The following PTPRF variants were observed in gnomAD, a reference collection of about 807,000 sequenced individuals.
PTPRF encodes the protein receptor-type tyrosine-protein phosphatase F.
Under a neutral mutation model 201.8 loss-of-function variants are expected in PTPRF, and 59 were observed. The observed-to-expected ratio is 0.29, with a 90% CI of 0.24 to 0.36. PTPRF has a LOEUF of 0.36. Among genes scored for constraint, PTPRF ranks in the 10% least tolerant of loss-of-function variants. The pLI is 1.00. For missense variants in PTPRF, 2,132 were observed against 2,690.5 expected, an observed-to-expected ratio of 0.79 and a Z score of 4.59; for synonymous variants, 1,088 against 1,089.7, an observed-to-expected ratio of 1.00 and a Z score of 0.03.
chr1:43,599,543 G>A (rs187489328), intron 13 of PTPRF, among the ~76,000 whole-genome samples: 354 of 152,264 alleles, frequency 2.3e-3, no homozygotes, highest in African/African-American at 8.1e-3. Flanking sequence ...GTGTTGCCCT[G>A]CTCCTGGCCC....
At position 43,605,362 on chromosome 1, in the gene PTPRF, A is replaced by G; in HGVS notation, c.3308A>G (p.Lys1103Arg). Residue 1103 changes from lysine to arginine, a missense_variant, in exon 18 of 34, where the codon AAG (lysine) becomes AGG (arginine). Physicochemically the swap from Lys to Arg is conservative, Grantham distance 26. Transcript: ENST00000359947. Reference sequence around the variant, plus strand: ...ACAGCCCCCGACCTCCTGCCTCACAAGCCGCTGCCTGCCTCTGCCTACATA... The same window carrying G: ...ACAGCCCCCGACCTCCTGCCTCACAGGCCGCTGCCTGCCTCTGCCTACATA... ...IRTAPDLLPH[K>R]PLPASAYIED... 6.2e-7 allele frequency: 1 copy of G among 1,613,930 alleles called. No homozygotes were observed. The highest frequency in any genetic ancestry group is 8.5e-7 in the Non-Finnish European group (1 of 1,179,992).
intron 14 of PTPRF, 117 bp downstream of exon 14, chr1:43,602,214 C>T: frequency 7.7e-7 from 1 of 1,293,568 alleles, no homozygotes; most frequent in Non-Finnish European, 1.1e-6. Flanking sequence ...GGGCTCTAGC[C>T]ACATCAGGAG....
chr1:43,560,593 G>A lies in PTPRF; in HGVS notation c.379+6652G>A, dbSNP rs565134278. On this transcript the variant is annotated intron_variant, in intron 5 of 33. Coordinates refer to ENST00000359947, the MANE Select transcript of PTPRF (RefSeq NM_002840.5). ...GTCAGTCTGGCACTGGCAGGAGGTC[G>A]GAGATGCTGTGTCTGGGCTCATTGT... Among the ~76,000 whole-genome samples the A allele has an allele frequency of 5.9e-5, 9 of 152,254 alleles. No homozygotes were observed. The South Asian group carries it at 1.0e-3, about 18-fold the overall frequency.
intron 22 of PTPRF, among the ~76,000 whole-genome samples, chr1:43,610,126 C>G (rs888291833): frequency 6.6e-6 from 1 of 152,194 alleles, no homozygotes; most frequent in Non-Finnish European, 1.5e-5. Flanking sequence ...GAACCTCCCT[C>G]CTTCTTCCTT....
chr1:43,611,670 A>T (rs189895668), intron 22 of PTPRF, among the ~76,000 whole-genome samples: 5 of 152,120 alleles, frequency 3.3e-5, no homozygotes, highest in African/African-American at 1.2e-4. Context: ...TAGAGAGGAG[A>T]AATTGAGGCA....
Position 43,554,855 on chromosome 1 carries a change from TTC to T in PTPRF, c.379+916_379+917del, listed in dbSNP as rs200691343. 5.2e-4 allele frequency among the ~76,000 whole-genome samples: 78 copies of T among 148,828 alleles called. No homozygotes were observed. The highest frequency in any genetic ancestry group is 1.9e-3 in the African/African-American group (74 of 39,160). On this transcript the variant is annotated intron_variant, in intron 5 of 33. Coordinates refer to ENST00000359947, the MANE Select transcript of PTPRF (RefSeq NM_002840.5). This position sits in a 1 kb window ranked among gnomAD's most constrained non-coding sequence, Gnocchi z 4.1. The stretch of plus-strand genomic sequence containing the variant: ...GCTTTTTTTTCTTTTCTTTCTTTCT[TTC>T]TTTTTTTTTTTTTGAGATGCAGTCT...
intron 8 of PTPRF, among the ~76,000 whole-genome samples, chr1:43,590,746 T>C (rs1443939039): frequency 6.6e-6 from 1 of 152,230 alleles, no homozygotes; most frequent in African/African-American, 2.4e-5. Flanking sequence ...GTGTACATAC[T>C]AAATGACCCA....
chr1:43,610,800 G>T (rs570507538), intron 22 of PTPRF, among the ~76,000 whole-genome samples: 1 of 152,336 alleles, frequency 6.6e-6, no homozygotes, highest in South Asian at 2.1e-4. Flanking sequence ...AGGAGGTAGA[G>T]GTTGCGTGAG....
Position 43,530,978 on chromosome 1 carries a change from G to GGGTGGC in PTPRF, c.-229_-224dup, listed in dbSNP as rs1277232752. The GGGTGGC allele has an allele frequency of 5.1e-5, 8 of 155,344 alleles. No individual in the cohort carries two copies. The highest frequency in any genetic ancestry group is 7.6e-5 in the African/African-American group (3 of 39,730). The allele number at this position is 155,344 out of a possible 1,614,324, so 9.6% of individuals were successfully genotyped here. On this transcript the variant is annotated 5_prime_UTR_variant, in exon 1 of 34. Coordinates refer to ENST00000359947, the MANE Select transcript of PTPRF (RefSeq NM_002840.5). This position sits in a 1 kb window ranked among gnomAD's most constrained non-coding sequence, Gnocchi z 4.1. Reference sequence around the variant, plus strand: ...CCGGCTCCGGCTCCGGCTCCAGCTCGGGTGGCGGTGGCGGGAGCGGGACCA... The same window carrying GGGTGGC: ...CCGGCTCCGGCTCCGGCTCCAGCTCGGGTGGCGGTGGCGGTGGCGGGAGCGGGACCA...
At chr1:43,618,391 G>A (rs1658385462) in intron 25 of PTPRF, among the ~76,000 whole-genome samples, 1 of 152,208 alleles carries the variant, frequency 6.6e-6, no homozygotes, top group Non-Finnish European at 1.5e-5. Flanking sequence ...GTGCGATCTG[G>A]CGTTGAATAA....
At position 43,591,220 on chromosome 1, in the gene PTPRF, C is replaced by G. The variant is rs761196800; in HGVS notation, c.1198C>G (p.Pro400Ala). Residue 400 changes from proline (P) to alanine (A), a missense_variant, in exon 9 of 34, where the codon CCC becomes GCC. This residue lies in a region of PTPRF where 351 missense variants were observed against 401.7 expected (regional missense o/e 0.87). Transcript: ENST00000359947. ...LAVNSIGRGPPSEAVRARTGE... is the reference protein window; with the variant it reads ...LAVNSIGRGPASEAVRARTGE... ...GGTGAACAGCATCGGGCGAGGGCCG[C>G]CCAGCGAGGCAGTGCGGGCACGCAC... The G allele has an allele frequency of 1.2e-6, 2 of 1,602,830 alleles. No individual in the cohort carries two copies. The highest frequency in any genetic ancestry group is 4.5e-5 in the East Asian group (2 of 44,606).
intron 6 of PTPRF, chr1:43,575,848 T>C (rs1646889978): frequency 7.6e-7 from 1 of 1,317,832 alleles, no homozygotes; most frequent in South Asian, 1.2e-5. Flanking sequence ...TTTGTGTGGC[T>C]TTCCTTCCTT....
upstream of PTPRF, chr1:43,528,835 G>A (rs1427869354): frequency 6.6e-6 from 1 of 152,350 alleles, no homozygotes; most frequent in Non-Finnish European, 1.5e-5. Flanking sequence ...GGCCCAGACT[G>A]GAGATAGAGA....
Position 43,621,226 on chromosome 1 carries a change from G to C in PTPRF, c.5649G>C (p.Gln1883His). The C allele has an allele frequency of 6.2e-7, 1 of 1,614,092 alleles. No homozygotes were observed. Among genetic ancestry groups the C allele is most frequent in the Non-Finnish European group, 8.5e-7 (1 of 1,179,954 alleles). Residue 1883 changes from glutamine to histidine, a missense_variant, in exon 33 of 34, where the codon CAG (glutamine) becomes CAC (histidine). By Grantham distance (24) the Gln-to-His change is conservative (BLOSUM62 0). Around this residue, in one of 6 missense-constraint regions of PTPRF, gnomAD observed 519 missense variants for 659.5 expected, o/e 0.79. Coordinates refer to ENST00000359947, the MANE Select transcript of PTPRF (RefSeq NM_002840.5). ...GTACACAGCGTCCTGCCATGGTGCAGACAGAGGTAACGCAGACCAGGCTGC... is the reference window on the plus strand; with the variant it reads ...GTACACAGCGTCCTGCCATGGTGCACACAGAGGTAACGCAGACCAGGCTGC... ...TLRTQRPAMV[Q>H]TEDQYQLCYR...
At chr1:43,606,515 C>T (rs774885745) in intron 20 of PTPRF, 57 bp downstream of exon 20, 70 of 1,494,600 alleles carry the variant, frequency 4.7e-5, no homozygotes, top group African/African-American at 3.2e-4. Context: ...TGGCCTGAGA[C>T]GATGCCAGTC....
At chr1:43,614,946 C>T (rs980169803) in intron 23 of PTPRF, among the ~76,000 whole-genome samples, 1 of 152,200 alleles carries the variant, frequency 6.6e-6, no homozygotes, top group Non-Finnish European at 1.5e-5. Flanking sequence ...CTCCAAGCAG[C>T]AGCCTGTGCT....
At chr1:43,607,852 C>G (rs1477392216) in intron 21 of PTPRF, among the ~76,000 whole-genome samples, 2 of 152,266 alleles carry the variant, frequency 1.3e-5, no homozygotes, top group East Asian at 3.8e-4. Flanking sequence ...TGGCCCCTAC[C>G]CCTTCCTTGC....
chr1:43,523,592 G>GA (rs1318236061), upstream of PTPRF, among the ~76,000 whole-genome samples: 8 of 150,332 alleles, frequency 5.3e-5, no homozygotes, highest in African/African-American at 9.8e-5. Context: ...AATGAATACC[G>GA]AAAAAAAAAC....
rs768011190 is a variant in PTPRF at position 43,621,949 on chromosome 1, G to A, written c.5670G>A (p.Leu1890=). The A allele has an allele frequency of 1.2e-6, 2 of 1,614,172 alleles. No individual in the cohort carries two copies. The highest frequency in any genetic ancestry group is 1.1e-5 in the South Asian group (1 of 91,080). ...TATCCTGGCAGGACCAGTATCAGCT[G>A]TGCTACCGTGCGGCCCTGGAGTACC... is the stretch of plus-strand genomic sequence containing the variant. The part of the protein sequence containing the change: ...AMVQTEDQYQ[L]CYRAALEYLG... The change falls in exon 34 of 34, where the codon CTG becomes CTA. Residue 1890 remains leucine, a synonymous_variant. Coordinates refer to ENST00000359947, the MANE Select transcript of PTPRF (RefSeq NM_002840.5).
Sources: allele counts gnomAD v4.1 joint callset (sites outside exome capture counted in the v4.1 genomes callset), GRCh38; gene constraint gnomAD v4.1.1; regional missense constraint gnomAD v4.1.1; non-coding constraint Gnocchi (gnomAD v3.1); transcripts MANE v1.5; gene names NCBI Gene and HGNC (gene_info 2026-07-23, HGNC 2026-07-21).